YAP1: variants seen among roughly 807,000 people sequenced by gnomAD.
The protein encoded by YAP1 is Yes1 associated transcriptional regulator.
A neutral mutation model predicts 56.9 loss-of-function variants in YAP1; 5 were observed. That is an observed-to-expected ratio of 0.09 (90% confidence interval 0.05 to 0.18). The LOEUF is 0.18. Ranked by LOEUF, YAP1 falls within the 10% of genes least tolerant of loss-of-function variation. The probability of loss-of-function intolerance (pLI) is 1.00; values close to 1 mark genes in which losing one functional copy is unlikely to be tolerated. For synonymous variants in YAP1, 265 were observed against 248.1 expected, an observed-to-expected ratio of 1.07 and a Z score of -0.64; for missense variants, 539 against 651.8, an observed-to-expected ratio of 0.83 and a Z score of 1.88.
intron 6 of YAP1, among the ~76,000 whole-genome samples, chr11:102,216,816 G>A (rs191110578): frequency 2.6e-5 from 4 of 152,264 alleles, no homozygotes; most frequent in African/African-American, 7.2e-5. Flanking sequence ...TCAAAACTGG[G>A]GAAATAAGTT....
chr11:102,113,654 T>C (rs2135109954), intron 1 of YAP1, among the ~76,000 whole-genome samples: 1 of 152,318 alleles, frequency 6.6e-6, no homozygotes, highest in Non-Finnish European at 1.5e-5. Flanking sequence ...CATTTTATCA[T>C]GGTTGGAATA....
intron 2 of YAP1, among the ~76,000 whole-genome samples, chr11:102,132,553 A>C (rs946003026): frequency 6.6e-6 from 1 of 152,242 alleles, no homozygotes; most frequent in Admixed American, 6.5e-5. Flanking sequence ...ATTGTTAACT[A>C]TAATTGTATC....
At chr11:102,202,116 T>G (rs1308632619) in intron 4 of YAP1, among the ~76,000 whole-genome samples, 1 of 152,110 alleles carries the variant, frequency 6.6e-6, no homozygotes, top group African/African-American at 2.4e-5. Context: ...GATTTCATAA[T>G]GATTTTTTTT....
chr11:102,127,328 T>C (rs529078352), intron 2 of YAP1, among the ~76,000 whole-genome samples: 2 of 152,004 alleles, frequency 1.3e-5, no homozygotes, highest in Middle Eastern at 3.4e-3. Context: ...GGGCCCAGGG[T>C]CCCTGTGCTG....
chr11:102,199,307 G>C (rs1043106783), intron 4 of YAP1, among the ~76,000 whole-genome samples: 1 of 152,206 alleles, frequency 6.6e-6, no homozygotes, highest in Non-Finnish European at 1.5e-5. Context: ...TCTAAAGGCT[G>C]TGTTTTTTAT....
chr11:102,147,168 A>T (rs1417431093), intron 2 of YAP1, among the ~76,000 whole-genome samples: 1 of 152,196 alleles, frequency 6.6e-6, no homozygotes, highest in Non-Finnish European at 1.5e-5. Flanking sequence ...ACCAAAGTCC[A>T]CGTAACCACT....
chr11:102,123,946 TTTTTTTTG>T (rs1231642369), intron 2 of YAP1, among the ~76,000 whole-genome samples: 4 of 150,880 alleles, frequency 2.7e-5, no homozygotes, highest in South Asian at 2.1e-4. Flanking sequence ...TCTTTTTCTT[TTTTTTTTG>T]TTTTTTTGTT....
chr11:102,115,611 A>G (rs571182082), intron 2 of YAP1, among the ~76,000 whole-genome samples: 2 of 151,860 alleles, frequency 1.3e-5, no homozygotes, highest in Non-Finnish European at 2.9e-5. Context: ...TTTTTTTTAA[A>G]AAAATTCATT....
intron 6 of YAP1, 39 bp downstream of exon 6, chr11:102,209,603 A>G: frequency 6.5e-7 from 1 of 1,532,676 alleles, no homozygotes; most frequent in African/African-American, 1.4e-5. Flanking sequence ...GGAAAAAAAA[A>G]AAAAAAGATA....
At chr11:102,162,324 G>A (rs1376145950) in intron 2 of YAP1, 132 bp from the exon 3 acceptor site, 1 of 679,536 alleles carries the variant, frequency 1.5e-6, no homozygotes, top group Non-Finnish European at 2.6e-6. Flanking sequence ...AGGCTGGTGG[G>A]AGCAGTGAGA....
At chr11:102,127,861 G>T (rs1244647350) in intron 2 of YAP1, among the ~76,000 whole-genome samples, 1 of 152,206 alleles carries the variant, frequency 6.6e-6, no homozygotes, top group Non-Finnish European at 1.5e-5. Context: ...TCTTGTATCA[G>T]TGAGACCTGG....
intron 4 of YAP1, among the ~76,000 whole-genome samples, chr11:102,199,409 C>T (rs187866478): frequency 6.6e-6 from 1 of 151,176 alleles, no homozygotes; most frequent in Non-Finnish European, 1.5e-5. Flanking sequence ...ATCTTAGGTC[C>T]CAAAAATTGT....
intron 3 of YAP1, among the ~76,000 whole-genome samples, chr11:102,169,728 G>C (rs914372876): frequency 6.6e-6 from 1 of 152,048 alleles, no homozygotes; most frequent in African/African-American, 2.4e-5. Context: ...TGGAAAAATA[G>C]TATAAGGAAA....
chr11:102,175,944 C>CT (rs1397618275), intron 3 of YAP1, among the ~76,000 whole-genome samples: 1 of 152,028 alleles, frequency 6.6e-6, no homozygotes, highest in African/African-American at 2.4e-5. Flanking sequence ...TTGCGTCTGC[C>CT]TAAAAATCTT....
intron 2 of YAP1, among the ~76,000 whole-genome samples, chr11:102,121,394 C>T (rs1004822905): frequency 6.6e-6 from 1 of 150,706 alleles, no homozygotes; most frequent in Non-Finnish European, 1.5e-5. Flanking sequence ...GATTGTGCCA[C>T]TGCACTTCAG....
At chr11:102,111,220 G>T in intron 1 of YAP1, 51 bp downstream of exon 1, 1 of 1,592,416 alleles carries the variant, frequency 6.3e-7, no homozygotes, top group Non-Finnish European at 8.6e-7. Context: ...GCCTCAGACC[G>T]GGGGGGCGCT....
At chr11:102,127,051 T>G (rs910376756) in intron 2 of YAP1, among the ~76,000 whole-genome samples, 1 of 152,206 alleles carries the variant, frequency 6.6e-6, no homozygotes, top group African/African-American at 2.4e-5. Flanking sequence ...AAAAGGTGAC[T>G]TGGGTGCTGT....
chr11:102,202,190 C>T (rs1346985231), intron 4 of YAP1, among the ~76,000 whole-genome samples: 1 of 151,248 alleles, frequency 6.6e-6, no homozygotes, highest in Non-Finnish European at 1.5e-5. Flanking sequence ...GATGGAGTCT[C>T]ATTCTTTCGC....
At chr11:102,184,425 T>C (rs1463218256) in intron 3 of YAP1, among the ~76,000 whole-genome samples, 1 of 152,210 alleles carries the variant, frequency 6.6e-6, no homozygotes, top group Non-Finnish European at 1.5e-5. Context: ...AAACTTGGGA[T>C]GTGTACAACA....
Sources: allele counts gnomAD v4.1 joint callset (sites outside exome capture counted in the v4.1 genomes callset), GRCh38; gene constraint gnomAD v4.1.1; transcripts MANE v1.5; gene names NCBI Gene and HGNC (gene_info 2026-07-23, HGNC 2026-07-21).